The following WDFY3 variants were observed in gnomAD, a reference collection of about 807,000 sequenced individuals.
WDFY3 encodes WD repeat and FYVE domain containing 3, also known as WD repeat and FYVE domain-containing protein 3.
A neutral mutation model predicts 409.6 loss-of-function variants in WDFY3; 66 were observed. That is an observed-to-expected ratio of 0.16 (90% confidence interval 0.13 to 0.20). The LOEUF is 0.20. WDFY3 is among the 10% of genes least tolerant of loss of function. The pLI is 1.00. For synonymous variants in WDFY3, 1,521 were observed against 1,537.1 expected, an observed-to-expected ratio of 0.99 and a Z score of 0.25; for missense variants, 3,031 against 4,298.1, an observed-to-expected ratio of 0.71 and a Z score of 8.24.
At chr4:84,959,395 G>C (rs1013501436) in intron 1 of WDFY3, among the ~76,000 whole-genome samples, 4 of 152,156 alleles carry the variant, frequency 2.6e-5, no homozygotes, top group African/African-American at 9.7e-5. Context: ...GGTAATCTAT[G>C]AGAAGACGTG....
At chr4:84,678,322 G>A (rs774289563) in intron 65 of WDFY3, 43 bp from the exon 66 acceptor site, 1 of 1,456,214 alleles carries the variant, frequency 6.9e-7, no homozygotes, top group Non-Finnish European at 9.6e-7. Context: ...TCAACTGAGA[G>A]AAGCCAATAC....
At chr4:84,760,688 TTCTC>T (rs1361529202) in intron 32 of WDFY3, among the ~76,000 whole-genome samples, 3 of 151,286 alleles carry the variant, frequency 2.0e-5, no homozygotes, top group African/African-American at 7.3e-5. Context: ...TATTTGATTC[TTCTC>T]TCTTTTTTTC....
At chr4:84,964,358 T>A (rs1248882672) in intron 1 of WDFY3, among the ~76,000 whole-genome samples, 1 of 152,116 alleles carries the variant, frequency 6.6e-6, no homozygotes, top group East Asian at 1.9e-4. Context: ...AGTCCTAACT[T>A]CTTGGGAGGC....
intron 1 of WDFY3, among the ~76,000 whole-genome samples, chr4:84,963,826 T>A (rs764053420): frequency 2.0e-5 from 3 of 152,236 alleles, no homozygotes; most frequent in Admixed American, 1.3e-4. Flanking sequence ...TAAAACAACT[T>A]GTTCTATTTC....
intron 2 of WDFY3, among the ~76,000 whole-genome samples, chr4:84,926,148 T>A (rs1218780821): frequency 1.4e-5 from 2 of 139,658 alleles, no homozygotes; most frequent in African/African-American, 5.3e-5. Context: ...GAGCTTTCAG[T>A]GAGCCAAGAT....
At chr4:84,929,853 G>A (rs530390300) in intron 2 of WDFY3, among the ~76,000 whole-genome samples, 91 of 152,022 alleles carry the variant, frequency 6.0e-4, no homozygotes, top group Non-Finnish European at 1.2e-3. Context: ...GGAGGTTACA[G>A]TCAGTCAAGG....
At chr4:84,677,494 G>A (rs766272142) in intron 66 of WDFY3, 98 bp from the exon 67 acceptor site, 9 of 1,242,546 alleles carry the variant, frequency 7.2e-6, no homozygotes, top group Non-Finnish European at 9.8e-6. Context: ...TTTTGAGGTC[G>A]GGGCTGGTAA....
chr4:84,846,710 C>A (rs537896972), intron 5 of WDFY3, among the ~76,000 whole-genome samples: 1 of 150,842 alleles, frequency 6.6e-6, no homozygotes, highest in Admixed American at 6.6e-5. Flanking sequence ...TGCTTGTAAA[C>A]GTATTTTTAA....
chr4:84,847,928 C>A (rs1758345906), intron 5 of WDFY3, among the ~76,000 whole-genome samples: 1 of 141,436 alleles, frequency 7.1e-6, no homozygotes, highest in African/African-American at 2.7e-5. Flanking sequence ...TATAATGTCA[C>A]AAATGAAAAA....
intron 67 of WDFY3, among the ~76,000 whole-genome samples, chr4:84,675,884 A>C (rs2148717605): frequency 6.6e-6 from 1 of 152,304 alleles, no homozygotes; most frequent in South Asian, 2.1e-4. Context: ...CTGACCTTTC[A>C]TATGGGGGAA....
intron 27 of WDFY3, among the ~76,000 whole-genome samples, chr4:84,776,447 A>C (rs1448560674): frequency 1.3e-5 from 2 of 152,092 alleles, no homozygotes; most frequent in Non-Finnish European, 2.9e-5. Context: ...TTATTAAGCA[A>C]CTAAATTTCT....
At chr4:84,677,681 G>A (rs904402727) in intron 66 of WDFY3, among the ~76,000 whole-genome samples, 2 of 152,076 alleles carry the variant, frequency 1.3e-5, no homozygotes. Flanking sequence ...TAAATCCAGT[G>A]TATGGGCATG....
Position 84,751,666 on chromosome 4 carries a change from C to A in WDFY3, c.5790G>T (p.Ala1930=). ...TGTTCATCCCTGTGTCTGCTGCAAA[C>A]GCTTTAAACTCTTCTGCTGGAGATC... The part of the protein sequence containing the change: ...EVGSPAEEFK[A]FAADTGMNRS... Residue 1930 remains alanine, a synonymous_variant, in exon 36 of 68, where the codon GCG becomes GCT. Transcript: ENST00000295888. The A allele has an allele frequency of 6.2e-7, 1 of 1,614,098 alleles. No homozygotes were observed. Among genetic ancestry groups the A allele is most frequent in the Admixed American group, 1.7e-5 (1 of 60,012 alleles).
intron 59 of WDFY3, 43 bp downstream of exon 59, chr4:84,692,841 TC>T: frequency 1.3e-6 from 2 of 1,542,488 alleles, no homozygotes; most frequent in African/African-American, 2.8e-5. Flanking sequence ...TTATTAACAA[TC>T]CCATTAAATC....
intron 44 of WDFY3, among the ~76,000 whole-genome samples, chr4:84,728,665 G>A (rs1315286740): frequency 6.6e-6 from 1 of 152,052 alleles, no homozygotes; most frequent in Non-Finnish European, 1.5e-5. Context: ...TGTAGGCAGG[G>A]TCTACTAAGT....
chr4:84,914,333 A>G (rs1400781816), intron 2 of WDFY3, among the ~76,000 whole-genome samples: 1 of 152,168 alleles, frequency 6.6e-6, no homozygotes, highest in Non-Finnish European at 1.5e-5. Flanking sequence ...AGGCAGGAGA[A>G]TCGCTTGAAC....
At chr4:84,744,831 C>T (rs1403424370) in intron 36 of WDFY3, among the ~76,000 whole-genome samples, 3 of 112,508 alleles carry the variant, frequency 2.7e-5, no homozygotes, top group Middle Eastern at 8.3e-3. Flanking sequence ...CCAGCCTGGG[C>T]GACAGAGCGA....
chr4:84,728,726 A>G (rs1340149943), intron 44 of WDFY3, among the ~76,000 whole-genome samples: 2 of 152,102 alleles, frequency 1.3e-5, no homozygotes, highest in African/African-American at 4.8e-5. Context: ...GATTTAATAC[A>G]TATTTGCTCA....
rs750736843 is a variant in WDFY3, at chr4:84,692,986, T to C, written c.8948A>G (p.Asn2983Ser). 2.5e-6 allele frequency: 4 copies of C among 1,612,068 alleles called. No individual in the cohort carries two copies. Among genetic ancestry groups the C allele is most frequent in the Admixed American group, 1.7e-5 (1 of 59,424 alleles). ...HPPKRVRSRL[N>S]GDNAGISVLP... The stretch of plus-strand genomic sequence containing the variant: ...GACAGAGATTCCTGCATTGTCTCCA[T>C]TGAGTCGACTTCTCACTCGCTTTGG... Residue 2983 changes from asparagine (N) to serine (S), a missense_variant, in exon 59 of 68, where the codon AAT becomes AGT. Physicochemically the swap from Asn to Ser is conservative, Grantham distance 46. This residue lies in a region of WDFY3 where 152 missense variants were observed against 193.5 expected (regional missense o/e 0.79). Transcript: ENST00000295888.
Sources: allele counts gnomAD v4.1 joint callset (sites outside exome capture counted in the v4.1 genomes callset), GRCh38; gene constraint gnomAD v4.1.1; regional missense constraint gnomAD v4.1.1; transcripts MANE v1.5; gene names NCBI Gene and HGNC (gene_info 2026-07-23, HGNC 2026-07-21).